Variants in CAMSAP2 observed in about 807,000 individuals in gnomAD.
CAMSAP2 encodes the protein calmodulin regulated spectrin associated protein family member 2.
Under a neutral mutation model 146.1 loss-of-function variants are expected in CAMSAP2, and 26 were observed. That is an observed-to-expected ratio of 0.18 (90% CI 0.13 to 0.25). CAMSAP2 has a LOEUF of 0.25. CAMSAP2 is among the 10% of genes least tolerant of loss of function. The pLI is 1.00. For missense variants in CAMSAP2, 1,381 were observed against 1,759.3 expected (o/e 0.78, Z 3.85); for synonymous variants, 499 against 596.6 (o/e 0.84, Z 2.38).
chr1:200,778,127 A>G (rs1359664384), intron 2 of CAMSAP2, among the ~76,000 whole-genome samples: 1 of 152,228 alleles, frequency 6.6e-6, no homozygotes, highest in Non-Finnish European at 1.5e-5. Flanking sequence ...TTTATACAGA[A>G]TCAACTCCAC....
chr1:200,785,393 G>GTTTT (rs373017749), intron 2 of CAMSAP2, among the ~76,000 whole-genome samples: 2 of 137,158 alleles, frequency 1.5e-5, no homozygotes, highest in Non-Finnish European at 3.1e-5. Context: ...TTTTTCTTTT[G>GTTTT]TTTTTTTTTT....
Position 200,848,346 on chromosome 1 carries a change from A to G in CAMSAP2, c.1577A>G (p.Asn526Ser). ...HYKLPNGALQNRILLDEFGNQ... is the reference protein window; with the variant it reads ...HYKLPNGALQSRILLDEFGNQ... ...AAGCTTCCAAATGGAGCTTTACAAA[A>G]TAGAATACTTCTTGACGAGTTTGGC... Residue 526 changes from asparagine (N) to serine (S), a missense_variant, in exon 11 of 17, where the codon AAT (asparagine) becomes AGT (serine). Around this residue, in one of 4 missense-constraint regions of CAMSAP2, gnomAD observed 447 missense variants for 462.2 expected, o/e 0.97. Coordinates refer to ENST00000358823, the MANE Select transcript of CAMSAP2 (RefSeq NM_203459.4). The G allele has an allele frequency of 6.2e-7, 1 of 1,613,974 alleles. No individual in the cohort carries two copies. The highest frequency in any genetic ancestry group is 8.5e-7 in the Non-Finnish European group (1 of 1,179,938).
At chr1:200,826,952 C>T (rs182766634) in intron 4 of CAMSAP2, among the ~76,000 whole-genome samples, 14 of 152,202 alleles carry the variant, frequency 9.2e-5, no homozygotes, top group Admixed American at 7.2e-4. Context: ...TGCAGTTTGC[C>T]TAATTCTTCC....
chr1:200,842,224 C>A, intron 7 of CAMSAP2, 137 bp downstream of exon 7: 3 of 624,118 alleles, frequency 4.8e-6, no homozygotes, highest in Non-Finnish European at 8.4e-6. Flanking sequence ...TTGATAGATT[C>A]TCCTAACCTC....
At chr1:200,756,404 GA>G (rs1436011941) in intron 1 of CAMSAP2, among the ~76,000 whole-genome samples, 2 of 151,486 alleles carry the variant, frequency 1.3e-5, no homozygotes, top group Non-Finnish European at 2.9e-5. Context: ...AGTGAGTCGA[GA>G]TCACGTCACT....
At chr1:200,817,046 GTGTATGTGTATACACACACGTA>G (rs1558191675) in intron 4 of CAMSAP2, among the ~76,000 whole-genome samples, 1 of 138,676 alleles carries the variant, frequency 7.2e-6, no homozygotes, top group Non-Finnish European at 1.6e-5. Flanking sequence ...ACATACACAC[GTGTATGTGTATACACACACGTA>G]TATATGTGTA....
chr1:200,786,118 C>T (rs772814245), intron 2 of CAMSAP2, among the ~76,000 whole-genome samples: 3 of 152,120 alleles, frequency 2.0e-5, no homozygotes, highest in Admixed American at 6.6e-5. Flanking sequence ...GTGGTGATAT[C>T]CCTTTTTACT....
chr1:200,739,982 C>G lies in CAMSAP2; in HGVS notation c.139+16C>G. On this transcript the variant is annotated intron_variant, in intron 1 of 16. Transcript: ENST00000358823. This position sits in a 1 kb window ranked among gnomAD's most constrained non-coding sequence, Gnocchi z 4.8. ...TTTGGGACAGGTTAGTGGTGTCACC[C>G]TTTCCCTCCCCTCTTCCTCCTGATG... 1 of 1,613,524 alleles carries G rather than the reference C, an allele frequency of 6.2e-7. No individual in the cohort carries two copies. Among genetic ancestry groups the G allele is most frequent in the Non-Finnish European group, 8.5e-7 (1 of 1,179,636 alleles).
rs1487520510 is a variant in CAMSAP2, at chr1:200,738,913, C to T, written c.-915C>T. Among the ~76,000 whole-genome samples the T allele has an allele frequency of 6.6e-6, 1 of 151,058 alleles. No individual in the cohort carries two copies. The highest frequency in any genetic ancestry group is 6.6e-5 in the Admixed American group (1 of 15,156). On this transcript the variant is annotated 5_prime_UTR_variant, in exon 1 of 17. Coordinates refer to ENST00000358823, the MANE Select transcript of CAMSAP2 (RefSeq NM_203459.4). ...TGCTCAGTCTCCGCATCTGCTCCTT[C>T]ATCCAGTGCCGCAGCCGGAAAACCG...
intron 1 of CAMSAP2, among the ~76,000 whole-genome samples, chr1:200,754,632 G>GAGT (rs1335894653): frequency 7.1e-6 from 1 of 141,772 alleles, no homozygotes; most frequent in Non-Finnish European, 1.5e-5. Flanking sequence ...GCCCAGGCTG[G>GAGT]AGTGCAGTGG....
At chr1:200,817,247 CATATGTGTGTGTATATACACACAT>C (rs1392302769) in intron 4 of CAMSAP2, among the ~76,000 whole-genome samples, 7 of 13,846 alleles carry the variant, frequency 5.1e-4, no homozygotes, top group Non-Finnish European at 6.4e-4. Context: ...CACATACACA[CATATGTGTGTGTATATACACACAT>C]ATATATATAT....
At chr1:200,813,936 AAAAAC>A (rs1406485608) in intron 3 of CAMSAP2, among the ~76,000 whole-genome samples, 1 of 151,638 alleles carries the variant, frequency 6.6e-6, no homozygotes, top group Non-Finnish European at 1.5e-5. Flanking sequence ...TGTCTCTACC[AAAAAC>A]AAAACAAAAA....
At chr1:200,778,723 A>G (rs1665350118) in intron 2 of CAMSAP2, among the ~76,000 whole-genome samples, 1 of 152,196 alleles carries the variant, frequency 6.6e-6, no homozygotes, top group Non-Finnish European at 1.5e-5. Flanking sequence ...TACCAATGAT[A>G]TATTTTAGAA....
rs191536147 is a variant in CAMSAP2 at position 200,753,059 on chromosome 1, T to C, written c.140-7780T>C. ...CCTGTAATCCCAGCACTTTGGAAGA[T>C]TGAGGTGGGCGGATCACTTGAGGTC... is the stretch of plus-strand genomic sequence containing the variant. On this transcript the variant is annotated intron_variant, in intron 1 of 16. Coordinates refer to ENST00000358823, the MANE Select transcript of CAMSAP2 (RefSeq NM_203459.4). Among the ~76,000 whole-genome samples, 670 of 152,000 alleles carry C rather than the reference T, an allele frequency of 4.4e-3. 7 individuals are homozygous for C. Among genetic ancestry groups the C allele is most frequent in the African/African-American group, 0.015 (636 of 41,494 alleles).
chr1:200,842,496 T>A (rs998759428), intron 7 of CAMSAP2, among the ~76,000 whole-genome samples: 1 of 152,190 alleles, frequency 6.6e-6, no homozygotes, highest in Admixed American at 6.5e-5. Flanking sequence ...TTAAACCTAG[T>A]GGATTTTATG....
intron 3 of CAMSAP2, among the ~76,000 whole-genome samples, chr1:200,814,138 A>AGGGGTGGGCGGGGGGGC (rs1666412480): frequency 4.2e-4 from 3 of 7,144 alleles, no homozygotes; most frequent in East Asian, 4.9e-3. Flanking sequence ...TGGCGGGGGG[A>AGGGGTGGGCGGGGGGGC]GGGGTGGGCG....
intron 3 of CAMSAP2, among the ~76,000 whole-genome samples, chr1:200,808,360 C>G (rs1487344456): frequency 6.6e-6 from 1 of 152,174 alleles, no homozygotes; most frequent in African/African-American, 2.4e-5. Flanking sequence ...TCTTGATCCA[C>G]TTTCATTTAC....
At chr1:200,768,610 A>G (rs529224118) in intron 2 of CAMSAP2, among the ~76,000 whole-genome samples, 423 of 152,244 alleles carry the variant, frequency 2.8e-3, no homozygotes, top group African/African-American at 9.4e-3. Context: ...ACTAAGGTGC[A>G]GGCCATGAAG....
At chr1:200,743,777 C>G (rs935061366) in intron 1 of CAMSAP2, among the ~76,000 whole-genome samples, 1 of 151,540 alleles carries the variant, frequency 6.6e-6, no homozygotes, top group Non-Finnish European at 1.5e-5. Context: ...CCCGTCTCTA[C>G]TAAAAATAGA....
Sources: gnomAD v4.1 joint callset for allele counts (sites outside exome capture counted in the v4.1 genomes callset) on GRCh38, gnomAD v4.1.1 for gene constraint, gnomAD v4.1.1 regional missense constraint, Gnocchi (gnomAD v3.1) non-coding constraint, MANE v1.5 for transcripts, NCBI Gene and HGNC (gene_info 2026-07-23, HGNC 2026-07-21) for gene names.